The following IL7 variants were observed in gnomAD, a reference collection of about 807,000 sequenced individuals.
IL7 encodes the protein interleukin-7.
Under a neutral mutation model 21.6 loss-of-function variants are expected in IL7, and 3 were observed. The ratio of observed to expected loss-of-function variants is 0.14; its 90% CI spans 0.06 to 0.36. IL7 has a LOEUF of 0.36. Ranked by LOEUF, IL7 falls within the 10% of genes least tolerant of loss-of-function variation. IL7 has a pLI of 1.00. For missense variants in IL7, 175 were observed against 200.2 expected (o/e 0.87, Z 0.76); for synonymous variants, 62 against 68.1 (o/e 0.91, Z 0.44).
chr8:78,715,565 G>C, downstream of IL7, among the ~76,000 whole-genome samples: 1 of 152,196 alleles, frequency 6.6e-6, no homozygotes, highest in Non-Finnish European at 1.5e-5. Context: ...ATGGGAGGAG[G>C]TCAAAATATC....
At chr8:78,749,731 G>GT (rs1812104825) in intron 2 of IL7, among the ~76,000 whole-genome samples, 1 of 152,152 alleles carries the variant, frequency 6.6e-6, no homozygotes, top group African/African-American at 2.4e-5. Context: ...CTCACAGTAA[G>GT]TATCAGATGA....
At chr8:78,727,376 T>G (rs1811356467) in intron 3 of IL7, among the ~76,000 whole-genome samples, 1 of 151,972 alleles carries the variant, frequency 6.6e-6, no homozygotes, top group Non-Finnish European at 1.5e-5. Flanking sequence ...CTCTCTTCCC[T>G]TTAGTTGGGA....
Position 78,739,988 on chromosome 8 carries a change from A to G in IL7, c.228+14T>C, listed in dbSNP as rs747352845. On this transcript the variant is annotated intron_variant, in intron 3 of 5. Transcript: ENST00000263851. ...ATCAAGCTTGAATGACAAACTCCAA[A>G]TAATTATCATTACCTTATTAGCATC... 1 of 1,509,394 alleles carries G rather than the reference A, an allele frequency of 6.6e-7. No homozygotes were observed. The highest frequency in any genetic ancestry group is 2.5e-5 in the East Asian group (1 of 39,418). The allele number at this position is 1,509,394 out of a possible 1,614,324, so 93.5% of individuals were successfully genotyped here.
At chr8:78,803,835 A>C (rs774010082) in intron 1 of IL7, among the ~76,000 whole-genome samples, 2 of 152,082 alleles carry the variant, frequency 1.3e-5, no homozygotes, top group Non-Finnish European at 2.9e-5. Context: ...CGCTCTCTCT[A>C]TCTTTGTTTT....
intron 3 of IL7, among the ~76,000 whole-genome samples, chr8:78,739,607 G>A (rs1413797996): frequency 6.6e-6 from 1 of 151,666 alleles, no homozygotes; most frequent in African/African-American, 2.4e-5. Context: ...CAGGAGAATC[G>A]CTTGAAACCA....
At chr8:78,710,191 C>G (rs1335276782) in intron 3 of IL7, among the ~76,000 whole-genome samples, 1 of 152,070 alleles carries the variant, frequency 6.6e-6, no homozygotes, top group Non-Finnish European at 1.5e-5. Context: ...TTTTTGATAG[C>G]CTAATGGCAA....
At chr8:78,711,910 GAAT>G in intron 3 of IL7, 1 of 849,616 alleles carries the variant, frequency 1.2e-6, no homozygotes, top group Non-Finnish European at 1.7e-6. Context: ...TGATGAACCA[GAAT>G]AATGTCTTTT....
chr8:78,711,475 A>G (rs1256662806), intron 3 of IL7, among the ~76,000 whole-genome samples: 1 of 151,858 alleles, frequency 6.6e-6, no homozygotes, highest in Non-Finnish European at 1.5e-5. Context: ...CTTTGGATAC[A>G]TTTCAGAAAT....
chr8:78,723,615 G>C (rs973125369), intron 3 of IL7, among the ~76,000 whole-genome samples: 1 of 152,042 alleles, frequency 6.6e-6, no homozygotes, highest in Non-Finnish European at 1.5e-5. Flanking sequence ...GTACTGGTCA[G>C]CAACAAAAAT....
intron 2 of IL7, chr8:78,761,421 A>G: frequency 6.2e-7 from 1 of 1,611,974 alleles, no homozygotes; most frequent in Non-Finnish European, 8.5e-7. Flanking sequence ...TTGGAAGAAA[A>G]TCCACTAGAG....
intron 2 of IL7, among the ~76,000 whole-genome samples, chr8:78,771,811 C>A (rs1586090422): frequency 6.6e-6 from 1 of 152,074 alleles, no homozygotes; most frequent in Non-Finnish European, 1.5e-5. Flanking sequence ...CTAAAAACTG[C>A]CCCCCTTTCT....
rs112959936 is a variant in IL7, at chr8:78,788,715, T to G, written c.147+9357A>C. On this transcript the variant is annotated intron_variant, in intron 2 of 5. Coordinates refer to ENST00000263851, the MANE Select transcript of IL7 (RefSeq NM_000880.4). ...TGTATTATGCTGTTGTTTGATGAAG[T>G]ATTTTATAACTGTCAATTAGATCCA... Among the ~76,000 whole-genome samples, 526 of 152,294 alleles carry G rather than the reference T, an allele frequency of 3.5e-3. 2 individuals are homozygous for G. Among genetic ancestry groups the G allele is most frequent in the African/African-American group, 0.012 (492 of 41,572 alleles).
At chr8:78,689,752 C>A (rs1387459588) in intron 3 of IL7, among the ~76,000 whole-genome samples, 1 of 152,068 alleles carries the variant, frequency 6.6e-6, no homozygotes, top group East Asian at 1.9e-4. Context: ...TTCTCCCATC[C>A]TGTGACTTGG....
intron 1 of IL7, among the ~76,000 whole-genome samples, chr8:78,801,845 T>C (rs200366750): frequency 6.6e-6 from 1 of 152,294 alleles, no homozygotes; most frequent in Admixed American, 6.5e-5. Flanking sequence ...AGCTCTCCCA[T>C]TAATGATGTA....
At chr8:78,735,087 A>G (rs1198569296) in intron 5 of IL7, among the ~76,000 whole-genome samples, 1 of 151,960 alleles carries the variant, frequency 6.6e-6, no homozygotes, top group Admixed American at 6.6e-5. Context: ...TATTGTTTTC[A>G]ATAGGGGGTC....
chr8:78,692,878 C>T (rs1810257050), intron 3 of IL7, among the ~76,000 whole-genome samples: 1 of 152,078 alleles, frequency 6.6e-6, no homozygotes, highest in South Asian at 2.1e-4. Context: ...CTATCCCTCC[C>T]CACTCCCCCC....
chr8:78,792,684 G>C (rs1444231638), intron 2 of IL7, among the ~76,000 whole-genome samples: 1 of 152,046 alleles, frequency 6.6e-6, no homozygotes, highest in Non-Finnish European at 1.5e-5. Flanking sequence ...AAAGATGCTT[G>C]ACATCATTAG....
At chr8:78,689,068 C>T (rs1029741379) in intron 3 of IL7, among the ~76,000 whole-genome samples, 1 of 149,574 alleles carries the variant, frequency 6.7e-6, no homozygotes, top group Non-Finnish European at 1.5e-5. Context: ...TAAGTTTAGA[C>T]AAGTAAAACT....
At chr8:78,804,456 T>C (rs1814227952) in intron 1 of IL7, among the ~76,000 whole-genome samples, 2 of 152,084 alleles carry the variant, frequency 1.3e-5, no homozygotes, top group Non-Finnish European at 2.9e-5. Flanking sequence ...GCGCGTCCCG[T>C]GGGAGCTTCG....
Sources: allele counts gnomAD v4.1 joint callset (sites outside exome capture counted in the v4.1 genomes callset), GRCh38; gene constraint gnomAD v4.1.1; transcripts MANE v1.5; gene names NCBI Gene and HGNC (gene_info 2026-07-23, HGNC 2026-07-21).